Variants in BFAR observed in about 807,000 individuals in gnomAD.
BFAR encodes RING finger protein 47.
BFAR carries 52 observed loss-of-function variants against 54.4 expected under a neutral mutation model. That is an observed-to-expected ratio of 0.96 (90% CI 0.77 to 1.21). The LOEUF is 1.21. Among genes scored for constraint, BFAR ranks in the 50% most tolerant of loss-of-function variants. The pLI, the probability that BFAR is intolerant of heterozygous loss-of-function variation, is 0.00. For missense variants in BFAR, 571 were observed against 534.0 expected, an observed-to-expected ratio of 1.07 and a Z score of -0.68; for synonymous variants, 215 against 204.3, an observed-to-expected ratio of 1.05 and a Z score of -0.45.
chr16:14,656,300 G>A (rs1041127596), intron 5 of BFAR, among the ~76,000 whole-genome samples: 6 of 152,146 alleles, frequency 3.9e-5, no homozygotes, highest in Non-Finnish European at 8.8e-5. Context: ...GCTGAGGTGG[G>A]AGGATTGCTT....
chr16:14,633,757 A>G (rs753762184), intron 1 of BFAR, among the ~76,000 whole-genome samples: 47 of 152,148 alleles, frequency 3.1e-4, no homozygotes, highest in Admixed American at 1.4e-3. Flanking sequence ...GGTTCAAGCG[A>G]TTCTCTTGCC....
chr16:14,661,810 A>G (rs1410594463), intron 5 of BFAR, 82 bp from the exon 6 acceptor site: 1 of 1,493,770 alleles, frequency 6.7e-7, no homozygotes, highest in East Asian at 2.3e-5. Context: ...GCTGATGGCA[A>G]CAAGCGAGAG....
chr16:14,647,747 A>C (rs1352084861), intron 2 of BFAR, among the ~76,000 whole-genome samples: 1 of 151,918 alleles, frequency 6.6e-6, no homozygotes, highest in African/African-American at 2.4e-5. Context: ...TGCTCTCTGC[A>C]TGGTTCTGCA....
intron 1 of BFAR, among the ~76,000 whole-genome samples, chr16:14,641,586 A>T (rs1959629933): frequency 6.6e-6 from 1 of 150,428 alleles, no homozygotes; most frequent in South Asian, 2.1e-4. Flanking sequence ...TAGAGGCCGG[A>T]CATGGTGGCT....
At position 14,664,778 on chromosome 16, in the gene BFAR, GT is replaced by G. The variant is rs1832024334; in HGVS notation, c.958-90del. On this transcript the variant is annotated intron_variant, in intron 6 of 7. Coordinates refer to ENST00000261658, the MANE Select transcript of BFAR (RefSeq NM_016561.3). ...GCCTCCCAAAGTGGTGGGATTACAG[GT>G]GTGAGCCACCGTGCCTAGCCTGATC... is the stretch of plus-strand genomic sequence containing the variant. 12 of 1,256,604 alleles carry G rather than the reference GT, an allele frequency of 9.5e-6. No individual in the cohort carries two copies. The South Asian group carries it at 1.3e-4, about 13-fold the overall frequency. The allele number at this position is 1,256,604 out of a possible 1,614,324, so 77.8% of individuals were successfully genotyped here. A position where few individuals can be genotyped will look rare whatever the true frequency, so the allele number is the denominator to read the frequency against.
chr16:14,636,869 G>C (rs1959461483), intron 1 of BFAR, among the ~76,000 whole-genome samples: 1 of 152,220 alleles, frequency 6.6e-6, no homozygotes, highest in South Asian at 2.1e-4. Flanking sequence ...CTCTTAAGGA[G>C]TATGCTGCCT....
intron 2 of BFAR, among the ~76,000 whole-genome samples, chr16:14,647,725 A>C (rs1315643179): frequency 6.6e-6 from 1 of 151,434 alleles, no homozygotes; most frequent in Non-Finnish European, 1.5e-5. Flanking sequence ...GTATTTTCTC[A>C]CATCATTGAT....
chr16:14,662,027 G>A lies in BFAR; in HGVS notation c.919G>A (p.Glu307Lys). Residue 307 changes from glutamate to lysine, a missense_variant, in exon 6 of 8, where the codon GAA (glutamate) becomes AAA (lysine). By Grantham distance (56) the Glu-to-Lys change is moderately conservative (BLOSUM62 1). Coordinates refer to ENST00000261658, the MANE Select transcript of BFAR (RefSeq NM_016561.3). ...PFIHTICPLQ[E>K]DSSGEDIVTK... ...CATCCACACCATCTGCCCTCTGCAAGAAGACAGCTCTGGGGAGGACATCGT... is the reference window on the plus strand; with the variant it reads ...CATCCACACCATCTGCCCTCTGCAAAAAGACAGCTCTGGGGAGGACATCGT... 1 of 1,614,170 alleles carries A rather than the reference G, an allele frequency of 6.2e-7. No homozygotes were observed. Among genetic ancestry groups the A allele is most frequent in the South Asian group, 1.1e-5 (1 of 91,074 alleles).
intron 7 of BFAR, 37 bp downstream of exon 7, chr16:14,665,108 GGAAA>G (rs1285764145): frequency 2.0e-6 from 3 of 1,536,944 alleles, no homozygotes; most frequent in Non-Finnish European, 2.7e-6. Context: ...ACAGGGGATG[GGAAA>G]GAAATACCAA....
intron 2 of BFAR, among the ~76,000 whole-genome samples, chr16:14,647,648 G>A (rs1354733644): frequency 1.3e-5 from 2 of 150,998 alleles, no homozygotes; most frequent in Non-Finnish European, 2.9e-5. Flanking sequence ...TTACACTCCA[G>A]CCTGGGTGAC....
chr16:14,665,721 A>T (rs1359733423), intron 7 of BFAR, among the ~76,000 whole-genome samples: 1 of 152,248 alleles, frequency 6.6e-6, no homozygotes, highest in East Asian at 1.9e-4. Flanking sequence ...CACAAGAAAC[A>T]TTAGATAAAA....
At position 14,649,874 on chromosome 16, in the gene BFAR, C is replaced by T. The variant is rs754691771; in HGVS notation, c.539C>T (p.Ala180Val). The stretch of plus-strand genomic sequence containing the variant: ...GACCTCCTGGTCCACAAGGCTGTGG[C>T]CAAATGGACGGCGGAAGAAGTTGTC... ...EHDLLVHKAV[A>V]KWTAEEVVLW... The change falls in exon 4 of 8, where the codon GCC (alanine) becomes GTC (valine). Residue 180 changes from alanine (A) to valine (V), a missense_variant. Physicochemically the swap from Ala to Val is moderately conservative, Grantham distance 64. Transcript: ENST00000261658. 1 of 1,613,236 alleles carries T rather than the reference C, an allele frequency of 6.2e-7. No individual in the cohort carries two copies.
chr16:14,644,662 C>A, intron 2 of BFAR, 53 bp downstream of exon 2: 22 of 1,460,590 alleles, frequency 1.5e-5, no homozygotes, highest in South Asian at 2.5e-5. Context: ...TGTGGTTTCT[C>A]TCTTGCTTTT....
At chr16:14,665,189 G>C (rs1960409687) in intron 7 of BFAR, 118 bp downstream of exon 7, 3 of 1,060,204 alleles carry the variant, frequency 2.8e-6, no homozygotes, top group Non-Finnish European at 4.1e-6. Flanking sequence ...AGACCCTTCA[G>C]ACTCTGCTTT....
chr16:14,653,480 A>T (rs1960032871), intron 4 of BFAR, among the ~76,000 whole-genome samples: 1 of 152,028 alleles, frequency 6.6e-6, no homozygotes, highest in Non-Finnish European at 1.5e-5. Context: ...GGCACACGCC[A>T]CCATGCCCGC....
chr16:14,637,786 G>A (rs1959498551), intron 1 of BFAR, among the ~76,000 whole-genome samples: 1 of 151,078 alleles, frequency 6.6e-6, no homozygotes, highest in South Asian at 2.1e-4. Context: ...CCAAAATTGT[G>A]CCACTGCACT....
intron 2 of BFAR, among the ~76,000 whole-genome samples, chr16:14,645,173 G>C (rs1165826894): frequency 6.6e-6 from 1 of 152,068 alleles, no homozygotes; most frequent in Non-Finnish European, 1.5e-5. Flanking sequence ...AAATTAGCCA[G>C]GTGTGGTGGT....
intron 1 of BFAR, among the ~76,000 whole-genome samples, chr16:14,636,507 T>A (rs1250220599): frequency 6.6e-6 from 1 of 152,266 alleles, no homozygotes; most frequent in Non-Finnish European, 1.5e-5. Flanking sequence ...GTTGCCTGCA[T>A]GTCCCACCTC....
intron 1 of BFAR, among the ~76,000 whole-genome samples, chr16:14,638,775 T>C (rs1959531741): frequency 6.6e-6 from 1 of 152,006 alleles, no homozygotes; most frequent in African/African-American, 2.4e-5. Context: ...GCAAACCCCA[T>C]CTCTATTAAA....
Sources: gnomAD v4.1 joint callset for allele counts (sites outside exome capture counted in the v4.1 genomes callset) on GRCh38, gnomAD v4.1.1 for gene constraint, MANE v1.5 for transcripts, NCBI Gene and HGNC (gene_info 2026-07-23, HGNC 2026-07-21) for gene names.